NPAS2: variants seen among roughly 807,000 people sequenced by gnomAD.
NPAS2 encodes the protein neuronal PAS domain-containing protein 2.
Under a neutral mutation model 107.5 loss-of-function variants are expected in NPAS2, and 23 were observed. The ratio of observed to expected loss-of-function variants is 0.21; its 90% confidence interval spans 0.15 to 0.30. NPAS2 has a LOEUF of 0.30. Among genes scored for constraint, NPAS2 ranks in the 10% least tolerant of loss-of-function variants. NPAS2 has a pLI of 1.00. For missense variants in NPAS2, 756 were observed against 1,043.3 expected (o/e 0.72, Z 3.79); for synonymous variants, 403 against 417.5 (o/e 0.97, Z 0.42).
intron 3 of NPAS2, among the ~76,000 whole-genome samples, chr2:100,932,245 A>G (rs1180665020): frequency 6.6e-6 from 1 of 152,268 alleles, no homozygotes; most frequent in Non-Finnish European, 1.5e-5. Context: ...TAAAATATTT[A>G]AGGAGCCCCT....
At chr2:100,888,832 C>G (rs1231552644) in intron 1 of NPAS2, among the ~76,000 whole-genome samples, 1 of 152,142 alleles carries the variant, frequency 6.6e-6, no homozygotes, top group African/African-American at 2.4e-5. Context: ...TTGGACTCTC[C>G]TTGACACCCC....
At chr2:100,835,154 G>A (rs1558791441) in intron 1 of NPAS2, among the ~76,000 whole-genome samples, 1 of 152,114 alleles carries the variant, frequency 6.6e-6, no homozygotes. Context: ...GCAGTCACTT[G>A]GAGGGAAGCA....
intron 1 of NPAS2, among the ~76,000 whole-genome samples, chr2:100,880,790 C>T (rs2104630737): frequency 6.6e-6 from 1 of 152,188 alleles, no homozygotes; most frequent in East Asian, 1.9e-4. Context: ...AATCTGAGGG[C>T]TGTCATTCTG....
At chr2:100,898,670 A>C (rs141088616) in intron 1 of NPAS2, among the ~76,000 whole-genome samples, 1 of 152,196 alleles carries the variant, frequency 6.6e-6, no homozygotes, top group East Asian at 1.9e-4. Flanking sequence ...CCAATTGTTA[A>C]TCTGATACAG....
intron 12 of NPAS2, among the ~76,000 whole-genome samples, chr2:100,973,660 G>A (rs184331298): frequency 1.7e-4 from 26 of 152,228 alleles, no homozygotes; most frequent in African/African-American, 5.8e-4. Flanking sequence ...AAGACAAAAC[G>A]GCCACGCAGA....
intron 15 of NPAS2, among the ~76,000 whole-genome samples, chr2:100,979,314 T>C (rs1230952654): frequency 6.6e-6 from 1 of 151,838 alleles, no homozygotes; most frequent in Non-Finnish European, 1.5e-5. Flanking sequence ...AGTAACCTTT[T>C]AATCCAAAGG....
chr2:100,954,767 G>A (rs1024711332), intron 7 of NPAS2, among the ~76,000 whole-genome samples: 1 of 150,218 alleles, frequency 6.7e-6, no homozygotes, highest in Non-Finnish European at 1.5e-5. Context: ...AAGTTCCCAG[G>A]TGTGGTGACA....
At chr2:100,819,894 G>T (rs1271550189), upstream of NPAS2, among the ~76,000 whole-genome samples, 3 of 152,008 alleles carry the variant, frequency 2.0e-5, no homozygotes, top group Non-Finnish European at 4.4e-5. This position sits in a 1 kb window ranked among gnomAD's most constrained non-coding sequence, Gnocchi z 5.8. Context: ...GCGGCCTGGG[G>T]ACTCGCGGGT....
chr2:100,853,970 A>C (rs1573470508), intron 1 of NPAS2, among the ~76,000 whole-genome samples: 1 of 82,130 alleles, frequency 1.2e-5, no homozygotes, highest in South Asian at 5.2e-4. Flanking sequence ...GCTTCAGCCC[A>C]CGACAAAAAA....
chr2:100,922,237 CTA>C (rs1683270033), intron 2 of NPAS2, among the ~76,000 whole-genome samples: 1 of 152,126 alleles, frequency 6.6e-6, no homozygotes, highest in Non-Finnish European at 1.5e-5. Flanking sequence ...ATACACCAAA[CTA>C]TGCACTAAAA....
At chr2:100,974,072 C>T (rs530199320) in intron 12 of NPAS2, among the ~76,000 whole-genome samples, 80 of 152,228 alleles carry the variant, frequency 5.3e-4, no homozygotes, top group African/African-American at 1.7e-3. Flanking sequence ...GAACTCCTGA[C>T]CTCAAATGAT....
intron 1 of NPAS2, among the ~76,000 whole-genome samples, chr2:100,902,207 G>T (rs1236726717): frequency 6.6e-6 from 1 of 152,036 alleles, no homozygotes; most frequent in African/African-American, 2.4e-5. Context: ...CTTCCATCCT[G>T]TTCCTTGTTT....
chr2:100,827,452 A>G (rs1257731997), intron 1 of NPAS2, among the ~76,000 whole-genome samples: 4 of 152,140 alleles, frequency 2.6e-5, no homozygotes, highest in Non-Finnish European at 5.9e-5. Flanking sequence ...ATATTGCATG[A>G]TACTGAGGTG....
At chr2:100,908,374 A>G (rs978541362) in intron 2 of NPAS2, among the ~76,000 whole-genome samples, 2 of 152,040 alleles carry the variant, frequency 1.3e-5, no homozygotes, top group African/African-American at 4.8e-5. Flanking sequence ...ACACCTCCTC[A>G]CAAAATAGGT....
intron 4 of NPAS2, among the ~76,000 whole-genome samples, chr2:100,936,250 T>G (rs1684291796): frequency 6.6e-6 from 1 of 152,224 alleles, no homozygotes. Context: ...CCCGCTGCCA[T>G]GCACTTCAGC....
intron 2 of NPAS2, among the ~76,000 whole-genome samples, chr2:100,910,143 GA>G (rs757956780): frequency 3.9e-5 from 6 of 152,174 alleles, no homozygotes; most frequent in Admixed American, 6.5e-5. Context: ...ATTTTAAATT[GA>G]AAAGAGATGA....
At chr2:100,927,229 C>T (rs925169096) in intron 3 of NPAS2, among the ~76,000 whole-genome samples, 1 of 152,126 alleles carries the variant, frequency 6.6e-6, no homozygotes, top group African/African-American at 2.4e-5. Context: ...CCACCACGCC[C>T]AGCCTAAAAG....
At chr2:100,821,677 C>T (rs1676081628) in intron 1 of NPAS2, among the ~76,000 whole-genome samples, 1 of 152,134 alleles carries the variant, frequency 6.6e-6, no homozygotes, top group African/African-American at 2.4e-5. Context: ...GTGAATTGAC[C>T]AACTAATTAT....
intron 19 of NPAS2, among the ~76,000 whole-genome samples, chr2:100,992,984 C>T (rs1203040939): frequency 6.6e-6 from 1 of 151,578 alleles, no homozygotes; most frequent in Non-Finnish European, 1.5e-5. Flanking sequence ...GGCTGGAGTG[C>T]AGTGGTGTGA....
Sources: gnomAD v4.1 joint callset for allele counts (sites outside exome capture counted in the v4.1 genomes callset) on GRCh38, gnomAD v4.1.1 for gene constraint, Gnocchi (gnomAD v3.1) non-coding constraint, MANE v1.5 for transcripts, NCBI Gene and HGNC (gene_info 2026-07-23, HGNC 2026-07-21) for gene names.